The following TCHP variants were observed in gnomAD, a reference collection of about 807,000 sequenced individuals.
TCHP encodes the protein trichoplein keratin filament-binding protein.
In TCHP, 81 loss-of-function variants were observed where a neutral mutation model predicts 88.7. The observed-to-expected ratio is 0.91, with a 90% CI of 0.76 to 1.10. TCHP has a LOEUF of 1.10. Among genes scored for constraint, TCHP ranks in the 50% least tolerant of loss-of-function variants. TCHP has a pLI of 0.00. For synonymous variants in TCHP, 232 were observed against 232.5 expected (o/e 1.00, Z 0.02); for missense variants, 641 against 632.1 (o/e 1.01, Z -0.15).
At chr12:109,881,544 C>T in the TCHP span, among the ~76,000 whole-genome samples, 2 of 152,236 alleles carry the variant, frequency 1.3e-5, no homozygotes, top group Admixed American at 6.5e-5. Flanking sequence ...TGAGCCTCTA[C>T]GCTCAAGCCT....
At chr12:109,890,532 C>T in the TCHP span, among the ~76,000 whole-genome samples, 4 of 148,344 alleles carry the variant, frequency 2.7e-5, no homozygotes, top group African/African-American at 1.0e-4. Flanking sequence ...TTTTTGGAGA[C>T]AGGATCTCAC....
At chr12:109,913,570 T>C (rs1870628432) in intron 10 of TCHP, among the ~76,000 whole-genome samples, 1 of 152,202 alleles carries the variant, frequency 6.6e-6, no homozygotes, top group Non-Finnish European at 1.5e-5. Flanking sequence ...TCCCACACGT[T>C]TCCCCCCTCG....
At chr12:109,888,833 C>A in the TCHP span, among the ~76,000 whole-genome samples, 1 of 152,140 alleles carries the variant, frequency 6.6e-6, no homozygotes, top group South Asian at 2.1e-4. Context: ...TCTCACAGTT[C>A]TAAAAGCCAG....
Position 109,907,545 on chromosome 12 carries a change from A to T in TCHP, c.545A>T (p.Gln182Leu). Residue 182 changes from glutamine to leucine, a missense_variant, in exon 6 of 13, where the codon CAA (glutamine) becomes CTA (leucine). Gln to Leu is a moderately radical substitution (Grantham distance 113). Coordinates refer to ENST00000405876, the MANE Select transcript of TCHP (RefSeq NM_001143852.2). The part of the protein sequence containing the change: ...EKKQQEATAE[Q>L]ENKRYENEYE... ...TTGTAGCAAGAAGCCACCGCAGAGC[A>T]AGAGAACAAACGGTATGAAAATGAA... 1 of 1,614,232 alleles carries T rather than the reference A, an allele frequency of 6.2e-7. No individual in the cohort carries two copies.
At chr12:109,906,501 A>G in intron 4 of TCHP, 71 bp from the exon 5 acceptor site, 1 of 1,464,386 alleles carries the variant, frequency 6.8e-7, no homozygotes, top group Non-Finnish European at 9.5e-7. Context: ...CACAGAGGGC[A>G]GGAGCACACT....
chr12:109,884,295 TCTC>T, the TCHP span, among the ~76,000 whole-genome samples: 23 of 152,084 alleles, frequency 1.5e-4, no homozygotes, highest in Admixed American at 2.6e-4. Flanking sequence ...TTCACGCCAT[TCTC>T]CTGCCTCAGC....
At chr12:109,914,789 G>C in intron 11 of TCHP, 162 bp downstream of exon 11, 1 of 595,556 alleles carries the variant, frequency 1.7e-6, no homozygotes, top group South Asian at 2.0e-5. Context: ...CCTCTTGACT[G>C]TGGCTTCTTT....
At chr12:109,882,005 C>G in the TCHP span, among the ~76,000 whole-genome samples, 1 of 150,454 alleles carries the variant, frequency 6.6e-6, no homozygotes, top group African/African-American at 2.4e-5. Context: ...CCTTGTGGAG[C>G]TGACAATCTG....
chr12:109,915,250 G>A (rs375329251), intron 11 of TCHP, 153 bp from the exon 12 acceptor site: 23 of 1,008,518 alleles, frequency 2.3e-5, no homozygotes, highest in East Asian at 1.7e-4. Flanking sequence ...TTCAAGTCCC[G>A]CATGCTCCCT....
the TCHP span, among the ~76,000 whole-genome samples, chr12:109,888,876 AAGGTGTTGGCT>A: frequency 2.5e-4 from 38 of 152,220 alleles, 1 homozygote; most frequent in South Asian, 7.5e-3. Context: ...GGGCAAAATC[AAGGTGTTGGCT>A]AGAACACACT....
At chr12:109,899,824 T>C (rs530230055), upstream of TCHP, among the ~76,000 whole-genome samples, 14 of 151,968 alleles carry the variant, frequency 9.2e-5, no homozygotes, top group African/African-American at 2.9e-4. Flanking sequence ...TTTGAGACAG[T>C]GTCTGGCTCT....
At chr12:109,898,052 C>T (rs1869608516), upstream of TCHP, among the ~76,000 whole-genome samples, 1 of 152,158 alleles carries the variant, frequency 6.6e-6, no homozygotes, top group African/African-American at 2.4e-5. Flanking sequence ...GACTCTTATG[C>T]ACGCAGTGGG....
At chr12:109,893,154 T>C in the TCHP span, among the ~76,000 whole-genome samples, 7 of 152,018 alleles carry the variant, frequency 4.6e-5, no homozygotes, top group South Asian at 8.3e-4. Context: ...CTGAGGTGGG[T>C]GGATCACCTG....
At chr12:109,906,465 A>C in intron 4 of TCHP, 107 bp from the exon 5 acceptor site, 1 of 989,414 alleles carries the variant, frequency 1.0e-6, no homozygotes, top group Non-Finnish European at 1.6e-6. Context: ...CATGAAGCGA[A>C]GTCATGGCCA....
intron 8 of TCHP, among the ~76,000 whole-genome samples, chr12:109,909,585 C>T (rs890212743): frequency 1.4e-4 from 21 of 152,126 alleles, no homozygotes; most frequent in African/African-American, 4.8e-4. Context: ...TTTGAGAGGC[C>T]AAGGCAGGCG....
At position 109,908,858 on chromosome 12, in the gene TCHP, G is replaced by T; in HGVS notation, c.813-13G>T. On this transcript the variant is annotated splice_polypyrimidine_tract_variant and intron_variant, in intron 7 of 12. Transcript: ENST00000405876. Reference sequence around the variant, plus strand: ...GAGATACTGAAGGCAGCCCACATTTGATTCTCCTTCAGGCGTTTCTTGAGA... The same window carrying T: ...GAGATACTGAAGGCAGCCCACATTTTATTCTCCTTCAGGCGTTTCTTGAGA... The T allele has an allele frequency of 6.2e-7, 1 of 1,614,106 alleles. No individual in the cohort carries two copies. The highest frequency in any genetic ancestry group is 1.1e-5 in the South Asian group (1 of 91,036).
At chr12:109,900,662 G>C (rs1869733372) in intron 1 of TCHP, 2 of 152,278 alleles carry the variant, frequency 1.3e-5, no homozygotes, top group Non-Finnish European at 1.5e-5. Context: ...AATCCGGGAC[G>C]GGAATCTTAA....
At chr12:109,890,632 C>T in the TCHP span, among the ~76,000 whole-genome samples, 1 of 151,910 alleles carries the variant, frequency 6.6e-6, no homozygotes, top group Non-Finnish European at 1.5e-5. Flanking sequence ...ACCTCAGCCT[C>T]CCGAGTAGCT....
At chr12:109,910,294 T>C (rs1479953695) in intron 8 of TCHP, among the ~76,000 whole-genome samples, 1 of 152,138 alleles carries the variant, frequency 6.6e-6, no homozygotes, top group Non-Finnish European at 1.5e-5. Flanking sequence ...GGGCAGGACA[T>C]GGGGCACAGT....
Sources: allele counts gnomAD v4.1 joint callset (sites outside exome capture counted in the v4.1 genomes callset), GRCh38; gene constraint gnomAD v4.1.1; transcripts MANE v1.5; gene names NCBI Gene and HGNC (gene_info 2026-07-23, HGNC 2026-07-21).